The following ZNF766 variants were observed in gnomAD, a reference collection of about 807,000 sequenced individuals.
The protein encoded by ZNF766 is zinc finger protein 766.
ZNF766 carries 13 observed loss-of-function variants against 13.2 expected under a neutral mutation model. That is an observed-to-expected ratio of 0.98 (90% confidence interval 0.64 to 1.56). The LOEUF is 1.56. ZNF766 is among the 40% of genes most tolerant of loss of function. The pLI is 0.00. For synonymous variants in ZNF766, 178 were observed against 187.6 expected, an observed-to-expected ratio of 0.95 and a Z score of 0.42; for missense variants, 521 against 552.2, an observed-to-expected ratio of 0.94 and a Z score of 0.57.
intron 1 of ZNF766, among the ~76,000 whole-genome samples, chr19:52,279,647 A>C (rs964934107): frequency 6.6e-6 from 1 of 151,916 alleles, no homozygotes; most frequent in African/African-American, 2.4e-5. Flanking sequence ...AGATGGTAGG[A>C]TCTCTTGAGT....
rs1323783043 is a variant in ZNF766, at chr19:52,295,812, C to T, written c.*4614C>T. 15 of 152,136 alleles carry T rather than the reference C, an allele frequency of 9.9e-5. No individual in the cohort carries two copies. Among genetic ancestry groups the T allele is most frequent in the East Asian group, 3.9e-4 (2 of 5,168 alleles). The allele number at this position is 152,136 out of a possible 1,614,324, so 9.4% of individuals were successfully genotyped here. A position where few individuals can be genotyped will look rare whatever the true frequency, so the allele number is the denominator to read the frequency against. ...CTCAGCTCACTGCAACCTTCACCTC[C>T]CGGGAGCATGCTGCTCTATCTTTTT... On this transcript the variant is annotated 3_prime_UTR_variant, in exon 4 of 4. Transcript: ENST00000439461.
chr19:52,271,503 C>T (rs551849881), intron 1 of ZNF766, among the ~76,000 whole-genome samples: 2 of 152,302 alleles, frequency 1.3e-5, no homozygotes, highest in East Asian at 3.9e-4. Context: ...AATGGTCTGT[C>T]CCTCCCCCTG....
intron 2 of ZNF766, chr19:52,282,630 C>CT: frequency 6.4e-6 from 1 of 155,724 alleles, no homozygotes; most frequent in East Asian, 1.9e-4. Flanking sequence ...GAGCAAGACT[C>CT]TGTTTCAAAA....
At chr19:52,279,763 G>GT (rs1329178045) in intron 1 of ZNF766, among the ~76,000 whole-genome samples, 966 of 58,636 alleles carry the variant, frequency 0.016, 3 homozygotes, top group Non-Finnish European at 0.027. Context: ...AAGTTTCTAT[G>GT]TTTTTTTTTT....
intron 1 of ZNF766, among the ~76,000 whole-genome samples, chr19:52,269,844 G>C (rs747533024): frequency 6.6e-6 from 1 of 152,114 alleles, no homozygotes; most frequent in African/African-American, 2.4e-5. Context: ...AGCTGCTTTC[G>C]CGCCGTTTTC....
intron 1 of ZNF766, among the ~76,000 whole-genome samples, chr19:52,272,014 C>G (rs146653876): frequency 1.7e-3 from 254 of 147,680 alleles, no homozygotes; most frequent in African/African-American, 6.0e-3. Context: ...ACAGATGAAG[C>G]CTTCATTTTC....
chr19:52,291,025 AAATGT>A lies in ZNF766; in HGVS notation c.1239_1243del (p.Cys413Ter), dbSNP rs749968368. The A allele has an allele frequency of 1.9e-6, 3 of 1,614,200 alleles. No homozygotes were observed. The highest frequency in any genetic ancestry group is 2.5e-6 in the Non-Finnish European group (3 of 1,180,032). The stretch of plus-strand genomic sequence containing the variant: ...AATTCACACTGGAGAGAAACCTTAC[AAATGT>A]AATGAGTGTGGCAAAGTCTTCACTC... On this transcript the variant is annotated frameshift_variant, in exon 4 of 4. Transcript: ENST00000439461. LOFTEE classifies it low-confidence loss of function (END_TRUNC).
chr19:52,287,152 T>A (rs543898312), intron 3 of ZNF766, among the ~76,000 whole-genome samples: 4 of 151,800 alleles, frequency 2.6e-5, no homozygotes, highest in African/African-American at 9.7e-5. Flanking sequence ...CAGTTTTCTT[T>A]TTTTTTTTGA....
intron 3 of ZNF766, chr19:52,285,069 T>C (rs1481289816): frequency 6.6e-6 from 1 of 152,138 alleles, no homozygotes; most frequent in Non-Finnish European, 1.5e-5. Flanking sequence ...TTTCTGGGCT[T>C]TCTATACCTG....
chr19:52,269,750 TA>T, intron 1 of ZNF766, 119 bp downstream of exon 1: 2 of 1,300,876 alleles, frequency 1.5e-6, no homozygotes, highest in South Asian at 2.7e-5. Flanking sequence ...CCACCCCGAG[TA>T]AATTCATGCG....
rs536067404 is a variant in ZNF766, at chr19:52,290,005, A to C, written c.275-61A>C. The stretch of plus-strand genomic sequence containing the variant: ...GGCAAAGCCAGACTCCAACTCAAAA[A>C]AAGTGCAAAAAACATGCCAGAACCA... On this transcript the variant is annotated intron_variant, in intron 3 of 3. Coordinates refer to ENST00000439461, the MANE Select transcript of ZNF766 (RefSeq NM_001010851.3). 1.4e-5 allele frequency: 21 copies of C among 1,519,460 alleles called. No homozygotes were observed. The South Asian group carries it at 2.3e-4, about 17-fold the overall frequency. 94.1% of individuals were successfully genotyped at this position (1,519,460 alleles called of 1,614,324 possible). A position where few individuals can be genotyped will look rare whatever the true frequency, so the allele number is the denominator to read the frequency against.
rs113614116 is a variant in ZNF766, at chr19:52,293,350, T to C, written c.*2152T>C. On this transcript the variant is annotated 3_prime_UTR_variant, in exon 4 of 4. Transcript: ENST00000439461. Reference sequence around the variant, plus strand: ...ACCATACCCGGCTAATTTTTTTGTATTTTTAGTAGAGATGGGGTTTCACCA... The same window carrying C: ...ACCATACCCGGCTAATTTTTTTGTACTTTTAGTAGAGATGGGGTTTCACCA... 0.12 allele frequency: 18,727 copies of C among 151,958 alleles called. 1,209 individuals carry two copies. Among genetic ancestry groups the C allele is most frequent in the East Asian group, 0.23 (1,194 of 5,134 alleles). The allele number at this position is 151,958 out of a possible 1,614,324, so 9.4% of individuals were successfully genotyped here.
At chr19:52,272,087 G>A (rs1421162285) in intron 1 of ZNF766, among the ~76,000 whole-genome samples, 1 of 151,580 alleles carries the variant, frequency 6.6e-6, no homozygotes, top group African/African-American at 2.4e-5. Context: ...CCTGTAGTGA[G>A]TACCCCTCTT....
chr19:52,281,992 A>G (rs140731393), intron 1 of ZNF766, 119 bp from the exon 2 acceptor site: 2 of 1,189,676 alleles, frequency 1.7e-6, no homozygotes, highest in African/African-American at 1.5e-5. Flanking sequence ...TAATGTGGAT[A>G]TGTCAGAATG....
intron 1 of ZNF766, among the ~76,000 whole-genome samples, chr19:52,272,893 C>A (rs182924862): frequency 4.5e-4 from 69 of 152,256 alleles, no homozygotes; most frequent in African/African-American, 1.5e-3. Context: ...CTGAACTCCC[C>A]CAAATGCATT....
Position 52,290,720 on chromosome 19 carries a change from G to A in ZNF766, c.929G>A (p.Ser310Asn), listed in dbSNP as rs778110776. ...AACAAATGTGGCAAGGTTTATAGTA[G>A]CAGTTCATACCTAGCACAACATTGG... ...KCNKCGKVYS[S>N]SSYLAQHWRI... is the part of the protein sequence containing the mutation. The change falls in exon 4 of 4, where the codon AGC (serine) becomes AAC (asparagine). Residue 310 changes from serine to asparagine, a missense_variant. Physicochemically the swap from Ser to Asn is conservative, Grantham distance 46. Transcript: ENST00000439461. 23 of 1,613,716 alleles carry A rather than the reference G, an allele frequency of 1.4e-5. No homozygotes were observed. The highest frequency in any genetic ancestry group is 5.3e-5 in the African/African-American group (4 of 74,888).
chr19:52,270,854 G>T (rs1043064291), intron 1 of ZNF766, among the ~76,000 whole-genome samples: 6 of 152,114 alleles, frequency 3.9e-5, no homozygotes, highest in Admixed American at 3.9e-4. Context: ...TCAAAATCTC[G>T]GCTCACTGCA....
intron 3 of ZNF766, among the ~76,000 whole-genome samples, chr19:52,289,194 A>G (rs1204979534): frequency 1.4e-5 from 2 of 138,184 alleles, no homozygotes; most frequent in East Asian, 4.3e-4. Context: ...TCTGTCACTC[A>G]GGCTAGAGTT....
chr19:52,295,527 G>A lies in ZNF766; in HGVS notation c.*4329G>A, dbSNP rs909979376. On this transcript the variant is annotated 3_prime_UTR_variant, in exon 4 of 4. Coordinates refer to ENST00000439461, the MANE Select transcript of ZNF766 (RefSeq NM_001010851.3). ...CATTTTTTCCGAATGTCACTCTAGT[G>A]AAAATTTTAGGGGACACAAAAATGA... The A allele has an allele frequency of 1.3e-5, 2 of 152,132 alleles. No homozygotes were observed. The highest frequency in any genetic ancestry group is 1.3e-4 in the Admixed American group (2 of 15,274). 9.4% of individuals were successfully genotyped at this position (152,132 alleles called of 1,614,324 possible). A position where few individuals can be genotyped will look rare whatever the true frequency, so the allele number is the denominator to read the frequency against.
Sources: allele counts gnomAD v4.1 joint callset (sites outside exome capture counted in the v4.1 genomes callset), GRCh38; gene constraint gnomAD v4.1.1; transcripts MANE v1.5; gene names NCBI Gene and HGNC (gene_info 2026-07-23, HGNC 2026-07-21).